Variants in DAW1 observed in about 807,000 individuals in gnomAD.
DAW1 encodes dynein assembly factor with WD repeats 1, also known as dynein assembly factor with WD repeat domains 1.
In DAW1, 47 loss-of-function variants were observed where a neutral mutation model predicts 56.5. The ratio of observed to expected loss-of-function variants is 0.83; its 90% CI spans 0.66 to 1.06. The LOEUF (loss-of-function observed/expected upper bound fraction) is 1.06. Among genes scored for constraint, DAW1 ranks in the 50% least tolerant of loss-of-function variants. DAW1 has a pLI of 0.00. For synonymous variants in DAW1, 190 were observed against 179.0 expected, an observed-to-expected ratio of 1.06 and a Z score of -0.49; for missense variants, 505 against 499.3, an observed-to-expected ratio of 1.01 and a Z score of -0.11.
intron 10 of DAW1, among the ~76,000 whole-genome samples, chr2:227,917,142 ATCTGTCTGTCTGTCTGTCTG>A (rs58001363): frequency 7.9e-5 from 11 of 138,552 alleles, no homozygotes; most frequent in African/African-American, 3.3e-4. Flanking sequence ...CTATCTATCT[ATCTGTCTGTCTGTCTGTCTG>A]TCTGTCTGTC....
At chr2:227,892,741 C>T (rs774455865) in intron 4 of DAW1, among the ~76,000 whole-genome samples, 5 of 152,126 alleles carry the variant, frequency 3.3e-5, no homozygotes, top group Non-Finnish European at 7.4e-5. Context: ...TTTCTTGTTA[C>T]CACTTGACAT....
chr2:227,904,998 G>C lies in DAW1; in HGVS notation c.718G>C (p.Asp240His), dbSNP rs1352255199. ...AGACAGAATCATCACGGGGTCTTTT[G>C]ATCATACCGTTGTAGTGTGGGACGC... ...SGDRIITGSF[D>H]HTVVVWDADT... is the part of the protein sequence containing the mutation. Residue 240 changes from aspartate to histidine, a missense_variant, in exon 8 of 13, where the codon GAT (aspartate) becomes CAT (histidine). Physicochemically the swap from Asp to His is moderately conservative, Grantham distance 81. Coordinates refer to ENST00000309931, the MANE Select transcript of DAW1 (RefSeq NM_178821.3). 6.2e-7 allele frequency: 1 copy of C among 1,613,714 alleles called. No homozygotes were observed. The highest frequency in any genetic ancestry group is 2.2e-5 in the East Asian group (1 of 44,854).
Position 227,921,437 on chromosome 2 carries a change from C to T in DAW1, c.1089C>T (p.Gly363=). 1.2e-6 allele frequency: 2 copies of T among 1,612,198 alleles called. No individual in the cohort carries two copies. The highest frequency in any genetic ancestry group is 1.1e-5 in the South Asian group (1 of 91,030). ...FNPQGNHLLT[G]SSDKTARIWD... ...CTCAAGGGAACCATCTTCTAACTGG[C>T]AGCTCTGACAAAACGGCTAGAATCT... The change falls in exon 12 of 13, where the codon GGC becomes GGT. Residue 363 remains glycine, a synonymous_variant. Coordinates refer to ENST00000309931, the MANE Select transcript of DAW1 (RefSeq NM_178821.3).
chr2:227,908,292 C>T (rs935103404), intron 10 of DAW1, among the ~76,000 whole-genome samples: 4 of 152,218 alleles, frequency 2.6e-5, no homozygotes, highest in Admixed American at 1.3e-4. Context: ...GCCATATCTG[C>T]ATCATATCCT....
chr2:227,913,893 G>A (rs199869766), intron 10 of DAW1, among the ~76,000 whole-genome samples: 9,510 of 94,030 alleles, frequency 0.1, 336 homozygotes, highest in Middle Eastern at 0.24. Flanking sequence ...CTGTCTGTCT[G>A]TCTGTCTGTC....
At chr2:227,922,212 A>G (rs1027788941) in intron 12 of DAW1, among the ~76,000 whole-genome samples, 1 of 152,202 alleles carries the variant, frequency 6.6e-6, no homozygotes, top group Non-Finnish European at 1.5e-5. Flanking sequence ...CAGGATCAAA[A>G]TTCTCCCCAG....
intron 1 of DAW1, among the ~76,000 whole-genome samples, chr2:227,882,388 ATAGTGGTCACTG>A (rs1410801045): frequency 2.6e-5 from 4 of 152,204 alleles, no homozygotes; most frequent in African/African-American, 9.6e-5. Context: ...CCAAACTCTA[ATAGTGGTCACTG>A]TATTTATTCT....
At chr2:227,881,824 C>T (rs1385819457) in intron 1 of DAW1, among the ~76,000 whole-genome samples, 1 of 131,444 alleles carries the variant, frequency 7.6e-6, no homozygotes, top group Non-Finnish European at 1.5e-5. Context: ...GCAATCTTGT[C>T]TCACTGGAAC....
intron 2 of DAW1, chr2:227,889,615 C>G (rs112716519): frequency 1.1e-4 from 36 of 332,048 alleles, no homozygotes; most frequent in Admixed American, 7.9e-4. Flanking sequence ...ATGAAACAAG[C>G]CTTAGCTTTG....
At chr2:227,909,010 T>C (rs1480326752) in intron 10 of DAW1, among the ~76,000 whole-genome samples, 3 of 152,200 alleles carry the variant, frequency 2.0e-5, no homozygotes, top group Admixed American at 6.6e-5. Flanking sequence ...GTCATGTATC[T>C]GACTATGTTT....
At chr2:227,902,923 C>A in intron 6 of DAW1, 79 bp from the exon 7 acceptor site, 1 of 1,394,582 alleles carries the variant, frequency 7.2e-7, no homozygotes, top group Non-Finnish European at 1.0e-6. Context: ...AAGGTAATTG[C>A]ATCTGGAAGA....
intron 11 of DAW1, among the ~76,000 whole-genome samples, chr2:227,920,968 C>T (rs1339273033): frequency 2.0e-5 from 3 of 152,154 alleles, no homozygotes; most frequent in Non-Finnish European, 4.4e-5. Context: ...CCTGAGCCAC[C>T]GCCCCTGGCC....
intron 2 of DAW1, chr2:227,887,854 C>A (rs531900146): frequency 6.6e-6 from 1 of 152,066 alleles, no homozygotes; most frequent in Non-Finnish European, 1.5e-5. Context: ...AAGTATTGTG[C>A]CTGTAAAAAC....
intron 10 of DAW1, among the ~76,000 whole-genome samples, chr2:227,917,270 T>C (rs918647387): frequency 2.0e-5 from 3 of 151,860 alleles, no homozygotes; most frequent in Admixed American, 6.6e-5. Context: ...TTGTTTCTTT[T>C]TTTTTTTTTA....
chr2:227,891,270 A>G lies in DAW1; in HGVS notation c.274A>G (p.Ile92Val). The change falls in exon 4 of 13, where the codon ATA (isoleucine) becomes GTA (valine). Residue 92 changes from isoleucine to valine, a missense_variant. Transcript: ENST00000309931. Reference sequence around the variant, plus strand: ...TTCACTGAAGGTTCTCAAAGCACATATATTGCCACTGACTAATGTTGCACT... The same window carrying G: ...TTCACTGAAGGTTCTCAAAGCACATGTATTGCCACTGACTAATGTTGCACT... ...FYLFKVLKAH[I>V]LPLTNVALNK... 6.2e-7 allele frequency: 1 copy of G among 1,613,408 alleles called. No individual in the cohort carries two copies.
chr2:227,874,376 C>G lies in DAW1; in HGVS notation c.40+2647C>G, dbSNP rs565326524. ...AGTAGAGAAAATTTTTGGAAGAATA[C>G]TCTCCCCAAGTGCTGTCCTCCCTTC... On this transcript the variant is annotated intron_variant, in intron 1 of 12. Coordinates refer to ENST00000309931, the MANE Select transcript of DAW1 (RefSeq NM_178821.3). Among the ~76,000 whole-genome samples, 10 of 152,202 alleles carry G rather than the reference C, an allele frequency of 6.6e-5. No homozygotes were observed. The South Asian group carries it at 1.9e-3, about 28-fold the overall frequency.
At position 227,921,474 on chromosome 2, in the gene DAW1, A is replaced by G; in HGVS notation, c.1126A>G (p.Thr376Ala). The change falls in exon 12 of 13, where the codon ACT becomes GCT. Residue 376 changes from threonine to alanine, a missense_variant. By Grantham distance (58) the Thr-to-Ala change is moderately conservative (BLOSUM62 0). Transcript: ENST00000309931. ...DKTARIWDAQ[T>A]GQCLQVLEGH... The stretch of plus-strand genomic sequence containing the variant: ...AACGGCTAGAATCTGGGATGCTCAG[A>G]CTGGCCAGTGCCTCCAGGTTCTTGA... 6.2e-7 allele frequency: 1 copy of G among 1,613,986 alleles called. No homozygotes were observed. Among genetic ancestry groups the G allele is most frequent in the Non-Finnish European group, 8.5e-7 (1 of 1,179,996 alleles).
At chr2:227,886,254 A>T (rs1460425891) in intron 2 of DAW1, among the ~76,000 whole-genome samples, 1 of 152,104 alleles carries the variant, frequency 6.6e-6, no homozygotes, top group Non-Finnish European at 1.5e-5. Context: ...CTATTACTGA[A>T]GCTTGGTATT....
chr2:227,905,652 C>T (rs1382414865), intron 8 of DAW1, among the ~76,000 whole-genome samples: 1 of 152,098 alleles, frequency 6.6e-6, no homozygotes, highest in Non-Finnish European at 1.5e-5. Flanking sequence ...CTTCTTACGG[C>T]CTTTACTATT....
Sources: gnomAD v4.1 joint callset for allele counts (sites outside exome capture counted in the v4.1 genomes callset) on GRCh38, gnomAD v4.1.1 for gene constraint, MANE v1.5 for transcripts, NCBI Gene and HGNC (gene_info 2026-07-23, HGNC 2026-07-21) for gene names.